Variants in CNST observed in about 807,000 individuals in gnomAD.
CNST encodes the protein consortin, connexin sorting protein, also known as consortin.
A neutral mutation model predicts 72.4 loss-of-function variants in CNST; 39 were observed. The observed-to-expected ratio is 0.54, with a 90% confidence interval of 0.42 to 0.70. The LOEUF is 0.70. CNST is among the 30% of genes least tolerant of loss of function. CNST has a pLI of 0.00. For synonymous variants in CNST, 332 were observed against 320.1 expected, an observed-to-expected ratio of 1.04 and a Z score of -0.40; for missense variants, 871 against 868.5, an observed-to-expected ratio of 1.00 and a Z score of -0.04.
At position 246,577,253 on chromosome 1, in the gene CNST, C is replaced by T. The variant is rs143009232; in HGVS notation, c.-52+10590C>T. 3.9e-3 allele frequency among the ~76,000 whole-genome samples: 597 copies of T among 152,104 alleles called. 10 individuals are homozygous for T. Among genetic ancestry groups the T allele is most frequent in the African/African-American group, 0.014 (574 of 41,394 alleles). Reference sequence around the variant, plus strand: ...CAACAGTACAAGCAAACCCTGTTTTCCTGTTGTTATGACTTTGTTGTTCTC... The same window carrying T: ...CAACAGTACAAGCAAACCCTGTTTTTCTGTTGTTATGACTTTGTTGTTCTC... On this transcript the variant is annotated intron_variant, in intron 1 of 10. Coordinates refer to ENST00000366513, the MANE Select transcript of CNST (RefSeq NM_152609.3).
chr1:246,567,031 A>G (rs1659747290), intron 1 of CNST, among the ~76,000 whole-genome samples: 1 of 143,986 alleles, frequency 6.9e-6, no homozygotes, highest in Non-Finnish European at 1.5e-5. Context: ...GATGGTTTTC[A>G]TTTCCCCCCC....
intron 1 of CNST, among the ~76,000 whole-genome samples, chr1:246,581,231 T>G (rs1456095840): frequency 6.6e-6 from 1 of 152,204 alleles, no homozygotes; most frequent in Non-Finnish European, 1.5e-5. Context: ...GGATGAAACT[T>G]CATCAGTGTC....
chr1:246,607,306 C>T (rs1426505569), intron 2 of CNST: 1 of 152,018 alleles, frequency 6.6e-6, no homozygotes, highest in African/African-American at 2.4e-5. Context: ...CTCCTGCGGG[C>T]TCCCCCGCAT....
At chr1:246,583,462 C>T (rs557386724) in intron 1 of CNST, among the ~76,000 whole-genome samples, 14 of 152,298 alleles carry the variant, frequency 9.2e-5, no homozygotes, top group South Asian at 4.1e-4. Flanking sequence ...ATAGACATAG[C>T]GTATAATTCA....
At chr1:246,575,762 A>G (rs1006496437) in intron 1 of CNST, among the ~76,000 whole-genome samples, 6 of 152,218 alleles carry the variant, frequency 3.9e-5, no homozygotes, top group East Asian at 1.9e-4. Flanking sequence ...ATGAAACTCA[A>G]CTAGAAAAAA....
intron 3 of CNST, among the ~76,000 whole-genome samples, chr1:246,628,070 C>T (rs1328376050): frequency 6.6e-6 from 1 of 152,058 alleles, no homozygotes; most frequent in African/African-American, 2.4e-5. Flanking sequence ...AGGAAACATC[C>T]AGCACGCGAG....
Position 246,666,389 on chromosome 1 carries a change from C to T in CNST, c.*484C>T, listed in dbSNP as rs1667391012. The T allele has an allele frequency of 6.5e-6, 1 of 153,660 alleles. No homozygotes were observed. Among genetic ancestry groups the T allele is most frequent in the African/African-American group, 2.4e-5 (1 of 41,464 alleles). The allele number at this position is 153,660 out of a possible 1,614,324, so 9.5% of individuals were successfully genotyped here. A position where few individuals can be genotyped will look rare whatever the true frequency, so the allele number is the denominator to read the frequency against. ...TAACTTGGGAGCTGTGTAATTTAGG[C>T]TTTGCGTATTATTTCACTTCTGTTC... On this transcript the variant is annotated 3_prime_UTR_variant, in exon 11 of 11. Coordinates refer to ENST00000366513, the MANE Select transcript of CNST (RefSeq NM_152609.3).
At position 246,647,555 on chromosome 1, in the gene CNST, T is replaced by C. The variant is rs1666178405; in HGVS notation, c.1354T>C (p.Tyr452His). ...IPPALISEGKYSQAQRKELRL... is the reference protein window; with the variant it reads ...IPPALISEGKHSQAQRKELRL... ...TCCTGCATTGATTTCTGAGGGTAAA[T>C]ATTCACAGGCTCAGAGGAAAGAACT... Residue 452 changes from tyrosine (Y) to histidine (H), a missense_variant, in exon 9 of 11, where the codon TAT becomes CAT. Tyr to His is a moderately conservative substitution (Grantham distance 83). Transcript: ENST00000366513. 6.2e-7 allele frequency: 1 copy of C among 1,614,148 alleles called. No individual in the cohort carries two copies.
chr1:246,593,101 A>G (rs1016668329), intron 2 of CNST, among the ~76,000 whole-genome samples: 11 of 152,212 alleles, frequency 7.2e-5, no homozygotes, highest in African/African-American at 2.4e-4. Flanking sequence ...ATATCTGTCT[A>G]TATCGTATTT....
rs138731020 is a variant in CNST, at chr1:246,569,346, G to A, written c.-52+2683G>A. ...TATTTTATACTTACAGCACATCTCA[G>A]TTTGGAGAAGCCACATTTCAAGTGC... On this transcript the variant is annotated intron_variant, in intron 1 of 10. Coordinates refer to ENST00000366513, the MANE Select transcript of CNST (RefSeq NM_152609.3). Among the ~76,000 whole-genome samples the A allele has an allele frequency of 4.4e-3, 665 of 152,190 alleles. 3 individuals are homozygous for A. The highest frequency in any genetic ancestry group is 0.015 in the African/African-American group (638 of 41,524).
chr1:246,644,987 C>A (rs1234997348), intron 8 of CNST, among the ~76,000 whole-genome samples: 2 of 152,172 alleles, frequency 1.3e-5, no homozygotes, highest in African/African-American at 4.8e-5. Flanking sequence ...TGCAGCCTTA[C>A]AAACTTTGAG....
At position 246,665,891 on chromosome 1, in the gene CNST, A is replaced by G. The variant is rs773158843; in HGVS notation, c.2164A>G (p.Ile722Val). ...GGGAGTGGCAGAACTGAAGCACTGG[A>G]TCTACCTCTCCTAGCAGCATTCCAG... ...LQGVAELKHW[I>V]YLS Residue 722 changes from isoleucine (I) to valine (V), a missense_variant, in exon 11 of 11, where the codon ATC becomes GTC. By Grantham distance (29) the Ile-to-Val change is conservative. Coordinates refer to ENST00000366513, the MANE Select transcript of CNST (RefSeq NM_152609.3). 2.4e-5 allele frequency: 39 copies of G among 1,611,518 alleles called. No individual in the cohort carries two copies. The highest frequency in any genetic ancestry group is 3.0e-5 in the Non-Finnish European group (35 of 1,177,966).
In CNST at chr1:246,629,786, C is replaced by G. The variant is rs146968872; in HGVS notation, c.586-2108C>G. ...TCACACTGTCACCCAGGCTGGAATG[C>G]AGTGGCGCAATTTCGGCTCACTGCA... On this transcript the variant is annotated intron_variant, in intron 3 of 10. Coordinates refer to ENST00000366513, the MANE Select transcript of CNST (RefSeq NM_152609.3). Among the ~76,000 whole-genome samples the G allele has an allele frequency of 4.2e-3, 634 of 152,200 alleles. 4 individuals are homozygous for G. The highest frequency in any genetic ancestry group is 0.015 in the African/African-American group (602 of 41,506).
rs114875674 is a variant in CNST, at chr1:246,611,459, G to A, written c.380-9970G>A. Among the ~76,000 whole-genome samples, 1,167 of 152,280 alleles carry A rather than the reference G, an allele frequency of 7.7e-3. 6 individuals are homozygous for A. Among genetic ancestry groups the A allele is most frequent in the Non-Finnish European group, 0.013 (855 of 68,028 alleles). ...CTTCCAGTAGCAAGAACTGTGCCCAGAGGGATGGAATTAGATCGAACTGCT... is the reference window on the plus strand; with the variant it reads ...CTTCCAGTAGCAAGAACTGTGCCCAAAGGGATGGAATTAGATCGAACTGCT... On this transcript the variant is annotated intron_variant, in intron 2 of 10. Coordinates refer to ENST00000366513, the MANE Select transcript of CNST (RefSeq NM_152609.3).
chr1:246,582,799 C>T (rs4531261), intron 1 of CNST, among the ~76,000 whole-genome samples: 79,378 of 152,048 alleles, frequency 0.52, 21,318 homozygotes, highest in Middle Eastern at 0.62. Flanking sequence ...ACCTCAGGTA[C>T]GAGTAGAATG....
intron 1 of CNST, among the ~76,000 whole-genome samples, chr1:246,585,755 T>C (rs1027823079): frequency 1.3e-5 from 2 of 149,674 alleles, no homozygotes; most frequent in African/African-American, 4.9e-5. Flanking sequence ...TATGAACAGA[T>C]ATACCTACAG....
intron 2 of CNST, among the ~76,000 whole-genome samples, chr1:246,605,434 C>T (rs1429829327): frequency 2.6e-5 from 4 of 152,220 alleles, no homozygotes; most frequent in Non-Finnish European, 5.9e-5. Flanking sequence ...TCAGTTGGAA[C>T]CCCGGGAGCG....
chr1:246,654,834 T>A (rs1348501941), intron 9 of CNST, among the ~76,000 whole-genome samples: 1 of 146,214 alleles, frequency 6.8e-6, no homozygotes, highest in Non-Finnish European at 1.5e-5. Flanking sequence ...TTTTTTTTTT[T>A]ATTCTTTGGC....
chr1:246,591,832 C>A lies in CNST; in HGVS notation c.270C>A (p.Thr90=). The A allele has an allele frequency of 1.2e-6, 2 of 1,613,898 alleles. No individual in the cohort carries two copies. The highest frequency in any genetic ancestry group is 1.7e-6 in the Non-Finnish European group (2 of 1,179,964). Reference sequence around the variant, plus strand: ...CTGCAGGTGAGAACTTGCAAAACACCCTTTGTGAAGCCTCCAGAGATGAAC... The same window carrying A: ...CTGCAGGTGAGAACTTGCAAAACACACTTTGTGAAGCCTCCAGAGATGAAC... ...EVAAGENLQN[T]LCEASRDEQA... is the part of the protein sequence containing the mutation. The change falls in exon 2 of 11, where the codon ACC becomes ACA. Residue 90 remains threonine (T), a synonymous_variant. Transcript: ENST00000366513.
Sources: gnomAD v4.1 joint callset for allele counts (sites outside exome capture counted in the v4.1 genomes callset) on GRCh38, gnomAD v4.1.1 for gene constraint, MANE v1.5 for transcripts, NCBI Gene and HGNC (gene_info 2026-07-23, HGNC 2026-07-21) for gene names.